The following VTI1A variants were observed in gnomAD, a reference collection of about 807,000 sequenced individuals.
VTI1A encodes the protein vesicle transport through interaction with t-SNAREs homolog 1A.
Under a neutral mutation model 34.9 loss-of-function variants are expected in VTI1A, and 22 were observed. The ratio of observed to expected loss-of-function variants is 0.63; its 90% confidence interval spans 0.45 to 0.90. The LOEUF is 0.90. Ranked by LOEUF, VTI1A falls within the 40% of genes least tolerant of loss-of-function variation. The pLI, the probability that VTI1A is intolerant of heterozygous loss-of-function variation, is 0.00. For missense variants in VTI1A, 268 were observed against 275.6 expected, an observed-to-expected ratio of 0.97 and a Z score of 0.20; for synonymous variants, 87 against 97.3, an observed-to-expected ratio of 0.89 and a Z score of 0.62.
At chr10:112,711,774 A>G (rs983333619) in intron 7 of VTI1A, among the ~76,000 whole-genome samples, 1 of 152,256 alleles carries the variant, frequency 6.6e-6, no homozygotes, top group Non-Finnish European at 1.5e-5. Context: ...CTCTGGGACA[A>G]CAACAGAAAA....
intron 7 of VTI1A, among the ~76,000 whole-genome samples, chr10:112,760,251 G>C (rs1375220177): frequency 6.6e-6 from 1 of 152,098 alleles, no homozygotes; most frequent in Non-Finnish European, 1.5e-5. Flanking sequence ...GTTTTTCCCT[G>C]TACATGTATA....
intron 7 of VTI1A, among the ~76,000 whole-genome samples, chr10:112,738,044 A>G (rs1318897004): frequency 6.6e-6 from 1 of 152,204 alleles, no homozygotes; most frequent in African/African-American, 2.4e-5. Context: ...TCACTGCACC[A>G]CAATCTCATT....
At chr10:112,691,266 TA>T (rs1247155736) in intron 7 of VTI1A, among the ~76,000 whole-genome samples, 2 of 94,452 alleles carry the variant, frequency 2.1e-5, no homozygotes, top group South Asian at 3.1e-4. Context: ...GCCTCAAAAA[TA>T]AATAAATAAA....
chr10:112,794,287 T>G (rs943182566), intron 7 of VTI1A, among the ~76,000 whole-genome samples: 13 of 152,176 alleles, frequency 8.5e-5, no homozygotes, highest in African/African-American at 2.7e-4. Flanking sequence ...CCAGGCGCAT[T>G]GGCTCATGCC....
Position 112,557,949 on chromosome 10 carries a change from A to G in VTI1A, c.427+19619A>G, listed in dbSNP as rs12413363. Among the ~76,000 whole-genome samples the G allele has an allele frequency of 9.6e-3, 1,460 of 152,320 alleles. 70 individuals are homozygous for G. The highest frequency in any genetic ancestry group is 0.077 in the Admixed American group (1,170 of 15,292). On this transcript the variant is annotated intron_variant, in intron 5 of 7. Coordinates refer to ENST00000393077, the MANE Select transcript of VTI1A (RefSeq NM_145206.4). ...TACATAGCAATTAGAAACAGATAAG[A>G]ACAAAGATATTGTTCTTGAATGAGG...
chr10:112,697,865 C>CGTGTGTGTGTGTGT (rs762339605), intron 7 of VTI1A, among the ~76,000 whole-genome samples: 65 of 126,204 alleles, frequency 5.2e-4, no homozygotes, highest in African/African-American at 1.8e-3. Flanking sequence ...TTAGCATTTA[C>CGTGTGTGTGTGTGT]ATGTGTGTGT....
chr10:112,829,775 C>G, the VTI1A span, among the ~76,000 whole-genome samples: 1 of 152,080 alleles, frequency 6.6e-6, no homozygotes, highest in Non-Finnish European at 1.5e-5. Flanking sequence ...AATAAATAAT[C>G]TATTGATTGA....
Position 112,669,420 on chromosome 10 carries a change from C to T in VTI1A, c.560+422C>T, listed in dbSNP as rs564047436. Among the ~76,000 whole-genome samples, 4 of 152,192 alleles carry T rather than the reference C, an allele frequency of 2.6e-5. No homozygotes were observed. The East Asian group carries it at 5.8e-4, about 22-fold the overall frequency. ...GCCTTGTTTTCATTTCTTTAAGTGA[C>T]GCTGTTTGGGGAAACATTTCCGTTT... On this transcript the variant is annotated intron_variant, in intron 7 of 7. Coordinates refer to ENST00000393077, the MANE Select transcript of VTI1A (RefSeq NM_145206.4).
chr10:112,634,500 G>GACACACACACACAT (rs1846265232), intron 5 of VTI1A, among the ~76,000 whole-genome samples: 1 of 96,860 alleles, frequency 1.0e-5, no homozygotes, highest in East Asian at 3.1e-4. Context: ...CACACACACA[G>GACACACACACACAT]ACACACACAC....
At chr10:112,637,297 C>T (rs146302913) in intron 5 of VTI1A, among the ~76,000 whole-genome samples, 1 of 152,298 alleles carries the variant, frequency 6.6e-6, no homozygotes, top group East Asian at 1.9e-4. Flanking sequence ...TTACAATATA[C>T]TTTATATATG....
chr10:112,631,116 C>T (rs146650213), intron 5 of VTI1A, among the ~76,000 whole-genome samples: 93 of 151,450 alleles, frequency 6.1e-4, no homozygotes, highest in Non-Finnish European at 1.2e-3. Flanking sequence ...GCAACAAGAG[C>T]GAAACTCTGT....
intron 5 of VTI1A, among the ~76,000 whole-genome samples, chr10:112,604,105 A>G (rs1323750875): frequency 1.3e-5 from 2 of 152,128 alleles, no homozygotes; most frequent in African/African-American, 4.8e-5. Context: ...CCCAGTAGAC[A>G]GTGGAGACCG....
chr10:112,504,404 C>T (rs752337816), intron 3 of VTI1A, among the ~76,000 whole-genome samples: 7 of 152,138 alleles, frequency 4.6e-5, no homozygotes, highest in African/African-American at 1.7e-4. Context: ...GCACATCACA[C>T]GAAAGACAGC....
At chr10:112,466,948 G>A (rs1195640853) in intron 3 of VTI1A, among the ~76,000 whole-genome samples, 2 of 152,024 alleles carry the variant, frequency 1.3e-5, no homozygotes, top group African/African-American at 4.8e-5. Context: ...ACGTTTCCAT[G>A]TCCCTATTTC....
chr10:112,798,196 C>T (rs1476311078), intron 7 of VTI1A, among the ~76,000 whole-genome samples: 1 of 152,102 alleles, frequency 6.6e-6, no homozygotes, highest in African/African-American at 2.4e-5. Flanking sequence ...TCAGGGGGCT[C>T]TGCTGCTCCA....
intron 5 of VTI1A, among the ~76,000 whole-genome samples, chr10:112,614,654 T>C (rs1362387948): frequency 1.3e-5 from 2 of 152,146 alleles, no homozygotes; most frequent in East Asian, 1.9e-4. Context: ...ACTGAGACAG[T>C]TGGGCATCTT....
intron 5 of VTI1A, among the ~76,000 whole-genome samples, chr10:112,608,655 C>A (rs1845180424): frequency 6.6e-6 from 1 of 152,042 alleles, no homozygotes; most frequent in African/African-American, 2.4e-5. Flanking sequence ...CTGTCATTTT[C>A]TTGTTATTCT....
intron 3 of VTI1A, among the ~76,000 whole-genome samples, chr10:112,504,071 T>C (rs1250747154): frequency 6.6e-6 from 1 of 152,208 alleles, no homozygotes; most frequent in African/African-American, 2.4e-5. Flanking sequence ...ATTTAAACTA[T>C]ACTGCTGAAA....
intron 3 of VTI1A, among the ~76,000 whole-genome samples, chr10:112,503,341 CAT>C (rs1278135721): frequency 6.6e-6 from 1 of 152,166 alleles, no homozygotes; most frequent in Non-Finnish European, 1.5e-5. Context: ...TTAGTTCCCA[CAT>C]ATGAATGAGA....
Sources: gnomAD v4.1 joint callset for allele counts (sites outside exome capture counted in the v4.1 genomes callset) on GRCh38, gnomAD v4.1.1 for gene constraint, MANE v1.5 for transcripts, NCBI Gene and HGNC (gene_info 2026-07-23, HGNC 2026-07-21) for gene names.